ELAVL4: variants seen among roughly 807,000 people sequenced by gnomAD.
ELAVL4 encodes the protein ELAV-like protein 4.
In ELAVL4, 1 loss-of-function variant was observed where a neutral mutation model predicts 35.6. The ratio of observed to expected loss-of-function variants is 0.03; its 90% CI spans 0.01 to 0.13. The LOEUF (loss-of-function observed/expected upper bound fraction) is 0.13, where lower values mean the gene tolerates loss of function less well. ELAVL4 is among the 10% of genes least tolerant of loss of function. The pLI, the probability that ELAVL4 is intolerant of heterozygous loss-of-function variation, is 1.00. For missense variants in ELAVL4, 267 were observed against 464.9 expected (o/e 0.57, Z 3.91); for synonymous variants, 156 against 171.0 (o/e 0.91, Z 0.69).
intron 5 of ELAVL4, among the ~76,000 whole-genome samples, chr1:50,196,838 T>C (rs1644090661): frequency 6.6e-6 from 1 of 152,132 alleles, no homozygotes; most frequent in Non-Finnish European, 1.5e-5. Context: ...CCAAGTAAGG[T>C]AGTGAATGTG....
At chr1:50,126,500 G>A (rs2148616604) in intron 1 of ELAVL4, among the ~76,000 whole-genome samples, 2 of 152,190 alleles carry the variant, frequency 1.3e-5, no homozygotes, top group East Asian at 3.9e-4. Flanking sequence ...AAGGACTCCT[G>A]TGCTAACTGG....
At chr1:50,091,662 A>G (rs1209745842) in intron 1 of ELAVL4, among the ~76,000 whole-genome samples, 1 of 152,222 alleles carries the variant, frequency 6.6e-6, no homozygotes, top group Non-Finnish European at 1.5e-5. Context: ...TGGAAGGAAA[A>G]GAAGCACTGA....
At chr1:50,120,262 T>A (rs999820823) in intron 1 of ELAVL4, among the ~76,000 whole-genome samples, 4 of 151,836 alleles carry the variant, frequency 2.6e-5, no homozygotes, top group Admixed American at 2.6e-4. Flanking sequence ...ACAAGCTTCA[T>A]GGAGGAAATG....
chr1:50,165,460 A>G (rs574712716), intron 2 of ELAVL4, among the ~76,000 whole-genome samples: 1 of 149,282 alleles, frequency 6.7e-6, no homozygotes, highest in African/African-American at 2.5e-5. Flanking sequence ...ATATAGATAC[A>G]CACACACACA....
At chr1:50,074,552 A>G (rs1399215794) in intron 1 of ELAVL4, among the ~76,000 whole-genome samples, 1 of 152,108 alleles carries the variant, frequency 6.6e-6, no homozygotes, top group African/African-American at 2.4e-5. Flanking sequence ...GTTTTCAGGG[A>G]AGAAAGGGAC....
In ELAVL4 at chr1:50,149,961, G is replaced by T. The variant is rs552289003; in HGVS notation, c.250+4764G>T. 2.0e-5 allele frequency among the ~76,000 whole-genome samples: 3 copies of T among 152,334 alleles called. No individual in the cohort carries two copies. In the East Asian group the frequency reaches 5.8e-4, roughly 29 times the overall value. The stretch of plus-strand genomic sequence containing the variant: ...TATTAATACGTAAGTGCTATAGGTG[G>T]TTGGAAGAGGTGAGGTTGGTGTTAG... On this transcript the variant is annotated intron_variant, in intron 2 of 6. Coordinates refer to ENST00000371824, the MANE Select transcript of ELAVL4 (RefSeq NM_001144774.3).
intron 1 of ELAVL4, among the ~76,000 whole-genome samples, chr1:50,110,677 C>T (rs564688070): frequency 4.1e-4 from 62 of 152,236 alleles, no homozygotes; most frequent in African/African-American, 1.1e-3. Flanking sequence ...TGGGGGCAGG[C>T]TGTAAATTCA....
chr1:50,051,283 C>T (rs1663365479), intron 1 of ELAVL4, among the ~76,000 whole-genome samples: 1 of 152,120 alleles, frequency 6.6e-6, no homozygotes, highest in Non-Finnish European at 1.5e-5. Context: ...TTACTTCAGA[C>T]ATAGTTCTAA....
chr1:50,050,235 ACTG>A (rs1397766374), intron 1 of ELAVL4, among the ~76,000 whole-genome samples: 2 of 152,258 alleles, frequency 1.3e-5, no homozygotes, highest in Non-Finnish European at 2.9e-5. Context: ...TTCAGTAAAT[ACTG>A]CTATTATCAA....
intron 6 of ELAVL4, among the ~76,000 whole-genome samples, chr1:50,198,849 C>T (rs898498627): frequency 2.6e-5 from 4 of 152,138 alleles, no homozygotes; most frequent in East Asian, 3.9e-4. Flanking sequence ...GGATTTAGAA[C>T]GCTTCCTACC....
At chr1:50,177,347 G>A (rs1435205271) in intron 3 of ELAVL4, among the ~76,000 whole-genome samples, 155 bp downstream of exon 3, 1 of 152,200 alleles carries the variant, frequency 6.6e-6, no homozygotes, top group Non-Finnish European at 1.5e-5. Context: ...GAGACACAGA[G>A]TGTTACAGAA....
chr1:50,116,863 A>G (rs1471147928), intron 1 of ELAVL4, among the ~76,000 whole-genome samples: 1 of 152,122 alleles, frequency 6.6e-6, no homozygotes, highest in Non-Finnish European at 1.5e-5. Context: ...TCTTGGTATT[A>G]TACATGTCTT....
At chr1:50,103,844 C>A (rs529622245), upstream of ELAVL4, 7 of 1,501,024 alleles carry the variant, frequency 4.7e-6, no homozygotes, top group Middle Eastern at 4.4e-4. Context: ...GTAATCCAGA[C>A]AGCCGGAACA....
At chr1:50,173,826 T>C (rs1349716383) in intron 2 of ELAVL4, among the ~76,000 whole-genome samples, 2 of 152,078 alleles carry the variant, frequency 1.3e-5, no homozygotes, top group Non-Finnish European at 2.9e-5. Context: ...AGGGAGAAGA[T>C]GTAGCCATTT....
At chr1:50,125,275 A>T (rs1276255309) in intron 1 of ELAVL4, among the ~76,000 whole-genome samples, 1 of 151,942 alleles carries the variant, frequency 6.6e-6, no homozygotes, top group South Asian at 2.1e-4. Flanking sequence ...ATTATATATT[A>T]TGTCGTGTTT....
chr1:50,126,439 G>A (rs531164648), intron 1 of ELAVL4, among the ~76,000 whole-genome samples: 2 of 152,040 alleles, frequency 1.3e-5, no homozygotes, highest in East Asian at 3.9e-4. Flanking sequence ...TTTAGTGGGG[G>A]ATGAAGGGGA....
intron 1 of ELAVL4, among the ~76,000 whole-genome samples, chr1:50,135,204 C>A (rs1271571373): frequency 6.6e-6 from 1 of 152,018 alleles, no homozygotes; most frequent in Non-Finnish European, 1.5e-5. Context: ...AGAAGGGATG[C>A]CTCACGCTTA....
At chr1:50,131,995 C>T (rs929860103) in intron 1 of ELAVL4, among the ~76,000 whole-genome samples, 2 of 151,720 alleles carry the variant, frequency 1.3e-5, no homozygotes, top group South Asian at 4.2e-4. Context: ...AAAGCAAACC[C>T]ATCATGCAGA....
intron 2 of ELAVL4, among the ~76,000 whole-genome samples, chr1:50,164,822 A>G (rs1044965469): frequency 2.6e-5 from 4 of 152,182 alleles, no homozygotes; most frequent in African/African-American, 9.7e-5. Flanking sequence ...GGGAGACTGA[A>G]GGTAGTTAAG....
Sources: allele counts gnomAD v4.1 joint callset (sites outside exome capture counted in the v4.1 genomes callset), GRCh38; gene constraint gnomAD v4.1.1; transcripts MANE v1.5; gene names NCBI Gene and HGNC (gene_info 2026-07-23, HGNC 2026-07-21).